STK3: variants seen among roughly 807,000 people sequenced by gnomAD.
The protein encoded by STK3 is serine/threonine-protein kinase 3.
STK3 carries 41 observed loss-of-function variants against 58.0 expected under a neutral mutation model. The observed-to-expected ratio is 0.71, with a 90% CI of 0.55 to 0.92. The LOEUF (loss-of-function observed/expected upper bound fraction) is 0.92, where lower values mean the gene tolerates loss of function less well. Among genes scored for constraint, STK3 ranks in the 40% least tolerant of loss-of-function variants. The pLI is 0.00. For synonymous variants in STK3, 170 were observed against 191.0 expected, an observed-to-expected ratio of 0.89 and a Z score of 0.91; for missense variants, 479 against 602.7, an observed-to-expected ratio of 0.79 and a Z score of 2.15.
chr8:98,778,999 G>A (rs1353812486), intron 1 of STK3: 1 of 151,808 alleles, frequency 6.6e-6, no homozygotes, highest in African/African-American at 2.4e-5. Context: ...CCTGCACATT[G>A]TGCACATGTA....
chr8:98,511,689 G>C (rs188806754), intron 10 of STK3, among the ~76,000 whole-genome samples: 85 of 152,164 alleles, frequency 5.6e-4, no homozygotes, highest in South Asian at 1.2e-3. Flanking sequence ...TCCTGGAAAT[G>C]TATTATCAAT....
intron 1 of STK3, among the ~76,000 whole-genome samples, chr8:98,925,093 CAAG>C (rs1352138895): frequency 1.3e-5 from 2 of 152,336 alleles, no homozygotes; most frequent in Admixed American, 6.5e-5. Flanking sequence ...AAAGTAACCA[CAAG>C]AAGGTCAGAT....
intron 2 of STK3, among the ~76,000 whole-genome samples, chr8:98,378,617 C>T (rs1229917101): frequency 4.6e-5 from 7 of 152,184 alleles, no homozygotes; most frequent in East Asian, 1.9e-4. Flanking sequence ...AGTGTGAATA[C>T]GTGTGAATAA....
intron 1 of STK3, among the ~76,000 whole-genome samples, chr8:98,923,647 C>T (rs1297925004): frequency 6.6e-6 from 1 of 152,092 alleles, no homozygotes; most frequent in Non-Finnish European, 1.5e-5. Flanking sequence ...CAGAAGCCCA[C>T]AGTACAAGGG....
chr8:98,865,856 T>C (rs1480356950), intron 3 of STK3, among the ~76,000 whole-genome samples: 6 of 152,226 alleles, frequency 3.9e-5, no homozygotes, highest in Non-Finnish European at 8.8e-5. Context: ...CTGTGTGAAA[T>C]AGCCCACTAG....
chr8:98,651,843 G>A (rs200204440), intron 6 of STK3: 1 of 152,120 alleles, frequency 6.6e-6, no homozygotes, highest in African/African-American at 2.4e-5. Flanking sequence ...GAAAAGACCA[G>A]ATCTACGTCT....
At chr8:98,377,198 T>A (rs1817685247) in intron 2 of STK3, among the ~76,000 whole-genome samples, 1 of 152,174 alleles carries the variant, frequency 6.6e-6, no homozygotes, top group African/African-American at 2.4e-5. Flanking sequence ...GCACCTCTCA[T>A]CCAATAAGGT....
At chr8:98,834,920 G>A (rs1040127902) in intron 3 of STK3, among the ~76,000 whole-genome samples, 1 of 152,196 alleles carries the variant, frequency 6.6e-6, no homozygotes. Context: ...CAAGTGGGGT[G>A]TAAGGAAAAA....
At chr8:98,711,443 C>G (rs897325128) in intron 4 of STK3, among the ~76,000 whole-genome samples, 3 of 151,990 alleles carry the variant, frequency 2.0e-5, no homozygotes, top group Non-Finnish European at 4.4e-5. Flanking sequence ...CCTTAAAGGA[C>G]CTGATGGAGC....
At chr8:98,759,353 TG>T (rs939652899) in intron 3 of STK3, among the ~76,000 whole-genome samples, 4 of 140,206 alleles carry the variant, frequency 2.9e-5, no homozygotes, top group African/African-American at 7.4e-5. Context: ...GGAAGGGAGA[TG>T]GGGCCCACGG....
At chr8:98,709,578 G>A (rs769711379) in intron 4 of STK3, among the ~76,000 whole-genome samples, 1 of 152,088 alleles carries the variant, frequency 6.6e-6, no homozygotes, top group Non-Finnish European at 1.5e-5. Flanking sequence ...CAACAGGATT[G>A]TAACAGGTTA....
At position 98,583,845 on chromosome 8, in the gene STK3, A is replaced by ATGTG. The variant is rs529496460; in HGVS notation, c.823-4060_823-4057dup. On this transcript the variant is annotated intron_variant, in intron 7 of 10. Transcript: ENST00000419617. ...AACCTATGGGTAAGAGAGAGAGTGTATGTGTGTGTGTGTGTGTGTGTGTGT... is the reference window on the plus strand; with the variant it reads ...AACCTATGGGTAAGAGAGAGAGTGTATGTGTGTGTGTGTGTGTGTGTGTGTGTGT... Among the ~76,000 whole-genome samples the ATGTG allele has an allele frequency of 5.2e-3, 758 of 144,742 alleles. 3 individuals are homozygous for ATGTG. The highest frequency in any genetic ancestry group is 9.6e-3 in the African/African-American group (380 of 39,690). 95.0% of individuals were successfully genotyped at this position (144,742 alleles called of 152,430 possible). A position where few individuals can be genotyped will look rare whatever the true frequency, so the allele number is the denominator to read the frequency against.
chr8:98,424,489 G>A (rs1345891434), intron 3 of STK3, among the ~76,000 whole-genome samples: 3 of 152,200 alleles, frequency 2.0e-5, no homozygotes, highest in Non-Finnish European at 4.4e-5. Context: ...GGCAAGGAGT[G>A]GCCTCTGTTA....
chr8:98,496,043 T>C (rs907479218), intron 10 of STK3, among the ~76,000 whole-genome samples: 1 of 152,156 alleles, frequency 6.6e-6, no homozygotes, highest in Admixed American at 6.6e-5. Flanking sequence ...ATCACAGTAT[T>C]TATAATGCTG....
chr8:98,594,902 C>T (rs1226185573), intron 7 of STK3: 1 of 152,146 alleles, frequency 6.6e-6, no homozygotes, highest in Admixed American at 6.5e-5. Context: ...TCCAGAGATA[C>T]TTCATTATAA....
intron 4 of STK3, among the ~76,000 whole-genome samples, chr8:98,738,660 G>A (rs563254685): frequency 7.0e-4 from 106 of 152,300 alleles, no homozygotes; most frequent in Non-Finnish European, 1.3e-3. Flanking sequence ...CAGCGTGAGC[G>A]ACGCAGAAGA....
In STK3 at chr8:98,606,921, A is replaced by G. The variant is rs144917149; in HGVS notation, c.685-10752T>C. Among the ~76,000 whole-genome samples the G allele has an allele frequency of 9.2e-3, 1,404 of 152,294 alleles. 18 individuals carry two copies. Among genetic ancestry groups the G allele is most frequent in the African/African-American group, 0.032 (1,327 of 41,558 alleles). ...GATCAAAGGAACTGCTGAATGTATA[A>G]CCATTTAGTCAGAAGTATGGGTAAC... On this transcript the variant is annotated intron_variant, in intron 6 of 10. Transcript: ENST00000419617.
At chr8:98,626,317 T>C (rs1818710510) in intron 6 of STK3, among the ~76,000 whole-genome samples, 2 of 152,070 alleles carry the variant, frequency 1.3e-5, no homozygotes, top group Admixed American at 1.3e-4. Context: ...CCAAAAAAGG[T>C]AGAAATACAA....
In STK3 at chr8:98,728,331, G is replaced by A. The variant is rs536167286; in HGVS notation, c.351+20945C>T. Among the ~76,000 whole-genome samples the A allele has an allele frequency of 7.9e-5, 12 of 152,262 alleles. No individual in the cohort carries two copies. The South Asian group carries it at 1.9e-3, about 24-fold the overall frequency. ...GTTCAACACAAAGTACATACATTAG[G>A]AAAAATAACTAGAATATTTTAACCA... is the stretch of plus-strand genomic sequence containing the variant. On this transcript the variant is annotated intron_variant, in intron 4 of 10. Transcript: ENST00000419617.
Sources: allele counts gnomAD v4.1 joint callset (sites outside exome capture counted in the v4.1 genomes callset), GRCh38; gene constraint gnomAD v4.1.1; transcripts MANE v1.5; gene names NCBI Gene and HGNC (gene_info 2026-07-23, HGNC 2026-07-21).